The following SH3KBP1 variants were observed in gnomAD, a reference collection of about 807,000 sequenced individuals.
SH3KBP1 encodes SH3 domain-containing kinase-binding protein 1.
In SH3KBP1, 8 loss-of-function variants were observed where a neutral mutation model predicts 50.1. The observed-to-expected ratio is 0.16, with a 90% CI of 0.09 to 0.29. The LOEUF is 0.29. Among genes scored for constraint, SH3KBP1 ranks in the 10% least tolerant of loss-of-function variants. SH3KBP1 has a pLI of 1.00. For synonymous variants in SH3KBP1, 227 were observed against 218.6 expected, an observed-to-expected ratio of 1.04 and a Z score of -0.34; for missense variants, 377 against 535.2, an observed-to-expected ratio of 0.70 and a Z score of 2.92.
chrX:19,800,737 C>T (rs1350989096), intron 2 of SH3KBP1, among the ~76,000 whole-genome samples: 1 of 111,868 alleles, frequency 8.9e-6, no homozygotes, highest in African/African-American at 3.3e-5. Context: ...AAGTTAGGGT[C>T]AGCTTCAAAA....
chrX:19,887,453 TGGCGGCGGCGGC>T lies in SH3KBP1; in HGVS notation c.-155_-144del. 1 of 438,786 alleles carries T rather than the reference TGGCGGCGGCGGC, an allele frequency of 2.3e-6. No homozygotes were observed. The highest frequency in any genetic ancestry group is 3.3e-6 in the Non-Finnish European group (1 of 306,896). 36.2% of individuals were successfully genotyped at this position (438,786 alleles called of 1,213,427 possible). A position where few individuals can be genotyped will look rare whatever the true frequency, so the allele number is the denominator to read the frequency against. On this transcript the variant is annotated 5_prime_UTR_variant, in exon 1 of 18. Transcript: ENST00000397821. ...GCGGCTGGGCCGGCTTCTTCCTCAGTGGCGGCGGCGGCGGCTCAGCGCCGCCCGCTGCTGCCT... is the reference window on the plus strand; with the variant it reads ...GCGGCTGGGCCGGCTTCTTCCTCAGTGGCTCAGCGCCGCCCGCTGCTGCCT...
At chrX:19,824,869 T>C (rs890573422) in intron 2 of SH3KBP1, among the ~76,000 whole-genome samples, 1 of 112,194 alleles carries the variant, frequency 8.9e-6, no homozygotes, top group Middle Eastern at 4.6e-3. Context: ...ATGTGGGTTC[T>C]TATTGGTAAC....
At chrX:19,784,018 C>T (rs1003094905) in intron 2 of SH3KBP1, among the ~76,000 whole-genome samples, 1 of 111,947 alleles carries the variant, frequency 8.9e-6, no homozygotes, top group African/African-American at 3.2e-5. Flanking sequence ...CTCAAATGGG[C>T]TTAAAATGAA....
intron 12 of SH3KBP1, among the ~76,000 whole-genome samples, chrX:19,574,005 T>C (rs1292724067): frequency 9.0e-6 from 1 of 111,117 alleles, no homozygotes; most frequent in Non-Finnish European, 1.9e-5. Context: ...CAGAGAAATG[T>C]TGGAGTCTGG....
At position 19,670,839 on chromosome X, in the gene SH3KBP1, C is replaced by CAAAAAAAAAAAAAAAAAAAAAAA. The variant is rs397973698; in HGVS notation, c.726+12983_726+12984insTTTTTTTTTTTTTTTTTTTTTTT. On this transcript the variant is annotated intron_variant, in intron 6 of 17. Transcript: ENST00000397821. ...ACTGGATTTATTACAACTCTAAAAGCAAAAAAAAAAAAAAAGAAATACCTC... is the reference window on the plus strand; with the variant it reads ...ACTGGATTTATTACAACTCTAAAAGCAAAAAAAAAAAAAAAAAAAAAAAAAAAAAAAAAAAAAAGAAATACCTC... 6.9e-5 allele frequency: 68 copies of CAAAAAAAAAAAAAAAAAAAAAAA among 991,896 alleles called. No homozygotes were observed. In the African/African-American group the frequency reaches 1.1e-3, roughly 16 times the overall value. The allele number at this position is 991,896 out of a possible 1,213,427, so 81.7% of individuals were successfully genotyped here. A position where few individuals can be genotyped will look rare whatever the true frequency, so the allele number is the denominator to read the frequency against.
At chrX:19,761,202 GA>G (rs1294169008) in intron 2 of SH3KBP1, among the ~76,000 whole-genome samples, 1 of 64,132 alleles carries the variant, frequency 1.6e-5, no homozygotes, top group African/African-American at 5.8e-5. Flanking sequence ...AAGGAGGAGG[GA>G]GGGGGGGAAG....
intron 8 of SH3KBP1, among the ~76,000 whole-genome samples, chrX:19,620,846 T>A (rs1012016443): frequency 4.5e-5 from 5 of 111,931 alleles, no homozygotes; most frequent in African/African-American, 1.6e-4. Context: ...TTTTTAATTT[T>A]GCTGAAGTTC....
intron 2 of SH3KBP1, among the ~76,000 whole-genome samples, chrX:19,791,029 C>T (rs1324322444): frequency 9.0e-6 from 1 of 111,135 alleles, no homozygotes; most frequent in Non-Finnish European, 1.9e-5. Flanking sequence ...CAGGAGGAAA[C>T]CAGTAAATAC....
At chrX:19,714,727 C>T (rs2063862777) in intron 3 of SH3KBP1, among the ~76,000 whole-genome samples, 1 of 111,926 alleles carries the variant, frequency 8.9e-6, no homozygotes, top group African/African-American at 3.2e-5. Context: ...AGAGTAAAGA[C>T]ATATGACAAC....
At chrX:19,845,910 C>T (rs1007315264) in intron 1 of SH3KBP1, among the ~76,000 whole-genome samples, 2 of 111,359 alleles carry the variant, frequency 1.8e-5, no homozygotes, top group South Asian at 3.7e-4. Flanking sequence ...ATGCCTGGCC[C>T]GATATTCTTA....
At chrX:19,733,066 C>T (rs1390528352) in intron 3 of SH3KBP1, among the ~76,000 whole-genome samples, 1 of 111,648 alleles carries the variant, frequency 9.0e-6, no homozygotes, top group South Asian at 3.7e-4. Context: ...AATTAGCCTA[C>T]TGTGATGTTT....
chrX:19,766,575 G>C (rs1322899857), intron 2 of SH3KBP1, among the ~76,000 whole-genome samples: 1 of 85,550 alleles, frequency 1.2e-5, no homozygotes, highest in African/African-American at 4.7e-5. Context: ...CACAATCTCG[G>C]CTCACCGCAA....
At chrX:19,785,398 C>T (rs958370598) in intron 2 of SH3KBP1, among the ~76,000 whole-genome samples, 2 of 108,585 alleles carry the variant, frequency 1.8e-5, no homozygotes, top group African/African-American at 3.4e-5. Flanking sequence ...CGTGGTGGTA[C>T]GTACCTGTGG....
At chrX:19,570,046 G>A (rs752815371) in intron 12 of SH3KBP1, among the ~76,000 whole-genome samples, 13 of 112,069 alleles carry the variant, frequency 1.2e-4, no homozygotes, top group African/African-American at 3.2e-4. Context: ...CCATCTCACC[G>A]CCCCGAAGGC....
intron 3 of SH3KBP1, among the ~76,000 whole-genome samples, chrX:19,738,741 T>C (rs910824409): frequency 3.6e-4 from 37 of 103,002 alleles, no homozygotes; most frequent in African/African-American, 1.3e-3. Flanking sequence ...CCAGGCACAG[T>C]GGCTCACGCC....
rs371019722 is a variant in SH3KBP1 at position 19,854,769 on chromosome X, A to G, written c.5-18487T>C. On this transcript the variant is annotated intron_variant, in intron 1 of 17. Transcript: ENST00000397821. The stretch of plus-strand genomic sequence containing the variant: ...AAGAGCCCCATGGATGCTCCCATCC[A>G]TGAAATCTCCTTCCCAACTCTTTAC... Among the ~76,000 whole-genome samples, 10 of 110,714 alleles carry G rather than the reference A, an allele frequency of 9.0e-5. No homozygotes were observed. The East Asian group carries it at 2.3e-3, about 25-fold the overall frequency.
intron 1 of SH3KBP1, among the ~76,000 whole-genome samples, chrX:19,849,345 C>T (rs1281733533): frequency 3.6e-5 from 4 of 111,278 alleles, no homozygotes; most frequent in Admixed American, 1.9e-4. Flanking sequence ...GACTTAGTTT[C>T]TTCAACAACA....
intron 2 of SH3KBP1, among the ~76,000 whole-genome samples, chrX:19,757,899 T>C (rs1032436537): frequency 9.0e-6 from 1 of 111,603 alleles, no homozygotes; most frequent in African/African-American, 3.3e-5. Context: ...TATGCTAACA[T>C]ACACAAAAGA....
Position 19,781,008 on chromosome X carries a change from T to C in SH3KBP1, c.163-34567A>G, listed in dbSNP as rs1603237142. On this transcript the variant is annotated intron_variant, in intron 2 of 17. Coordinates refer to ENST00000397821, the MANE Select transcript of SH3KBP1 (RefSeq NM_031892.3). Reference sequence around the variant, plus strand: ...TCTATACAAAGATAATTATTGCAGCTTTATTTTCAAGGGCAAAAAAAGATG... The same window carrying C: ...TCTATACAAAGATAATTATTGCAGCCTTATTTTCAAGGGCAAAAAAAGATG... 6.2e-5 allele frequency among the ~76,000 whole-genome samples: 7 copies of C among 112,541 alleles called. No homozygotes were observed. The South Asian group carries it at 2.6e-3, about 41-fold the overall frequency.
Sources: allele counts gnomAD v4.1 joint callset (sites outside exome capture counted in the v4.1 genomes callset), GRCh38; gene constraint gnomAD v4.1.1; transcripts MANE v1.5; gene names NCBI Gene and HGNC (gene_info 2026-07-23, HGNC 2026-07-21).